The following MED13L variants were observed in gnomAD, a reference collection of about 807,000 sequenced individuals.
MED13L encodes mediator of RNA polymerase II transcription subunit 13-like.
A neutral mutation model predicts 220.9 loss-of-function variants in MED13L; 7 were observed. The observed-to-expected ratio is 0.03, with a 90% confidence interval of 0.02 to 0.06. The LOEUF is 0.06. Among genes scored for constraint, MED13L ranks in the 10% least tolerant of loss-of-function variants. The pLI, the probability that MED13L is intolerant of heterozygous loss-of-function variation, is 1.00. For synonymous variants in MED13L, 1,011 were observed against 1,015.2 expected (o/e 1.00, Z 0.08); for missense variants, 1,965 against 2,760.5 (o/e 0.71, Z 6.46).
At chr12:116,057,313 A>G (rs1869059237) in intron 4 of MED13L, among the ~76,000 whole-genome samples, 1 of 152,306 alleles carries the variant, frequency 6.6e-6, no homozygotes, top group South Asian at 2.1e-4. Flanking sequence ...TACAAAAAGG[A>G]TAACAAAAAG....
At position 115,963,532 on chromosome 12, in the gene MED13L, CAA is replaced by C; in HGVS notation, c.6388-15_6388-14del. On this transcript the variant is annotated splice_polypyrimidine_tract_variant and intron_variant, in intron 29 of 30. Transcript: ENST00000281928. ...GATGCAGCGAAGCCTGGTGAAAAAACAAAGAGAGTTACCTCTCTGGTCTAGAC... is the reference window on the plus strand; with the variant it reads ...GATGCAGCGAAGCCTGGTGAAAAAACAGAGAGTTACCTCTCTGGTCTAGAC... The C allele has an allele frequency of 3.8e-6, 6 of 1,588,356 alleles. No individual in the cohort carries two copies. Among genetic ancestry groups the C allele is most frequent in the Non-Finnish European group, 5.2e-6 (6 of 1,157,462 alleles).
intron 2 of MED13L, among the ~76,000 whole-genome samples, chr12:116,173,383 G>A (rs1448049397): frequency 6.6e-6 from 1 of 152,054 alleles, no homozygotes; most frequent in Non-Finnish European, 1.5e-5. Context: ...ACAAACTCAA[G>A]AAACTATGTT....
At chr12:116,201,352 A>G (rs773513680) in intron 2 of MED13L, among the ~76,000 whole-genome samples, 6 of 152,198 alleles carry the variant, frequency 3.9e-5, no homozygotes, top group Non-Finnish European at 7.3e-5. Flanking sequence ...GTAATAATAA[A>G]TGAAGAAACC....
intron 1 of MED13L, 57 bp from the exon 2 acceptor site, chr12:116,237,762 AAC>A: frequency 7.0e-7 from 1 of 1,436,070 alleles, no homozygotes; most frequent in Non-Finnish European, 9.8e-7. Flanking sequence ...GACCACTAAA[AAC>A]AGTCTTCCAT....
At chr12:116,046,540 A>G (rs576394181) in intron 4 of MED13L, among the ~76,000 whole-genome samples, 1 of 152,374 alleles carries the variant, frequency 6.6e-6, no homozygotes, top group East Asian at 1.9e-4. Flanking sequence ...GCAGTAAAAC[A>G]TAAAAATATA....
At chr12:116,096,370 A>AAAAAAAAAAAAAAAAAAAAAAAAAAAAAC (rs1872642155) in intron 4 of MED13L, among the ~76,000 whole-genome samples, 1 of 146,590 alleles carries the variant, frequency 6.8e-6, no homozygotes, top group Non-Finnish European at 1.5e-5. Context: ...AAAAAAAAAA[A>AAAAAAAAAAAAAAAAAAAAAAAAAAAAAC]AAAAAAAAAA....
At chr12:115,966,354 C>T in intron 28 of MED13L, 111 bp from the exon 29 acceptor site, 2 of 1,250,862 alleles carry the variant, frequency 1.6e-6, no homozygotes, top group Non-Finnish European at 2.3e-6. Context: ...TTTGTGGCAG[C>T]ATCTCACAGA....
intron 1 of MED13L, among the ~76,000 whole-genome samples, chr12:116,270,911 G>A (rs1420776122): frequency 2.6e-5 from 4 of 151,320 alleles, no homozygotes; most frequent in Non-Finnish European, 5.9e-5. Context: ...GCATAGTGGC[G>A]CGCGCCTGTA....
chr12:116,132,388 T>G (rs999091126), intron 2 of MED13L, among the ~76,000 whole-genome samples: 3 of 152,094 alleles, frequency 2.0e-5, no homozygotes, highest in African/African-American at 7.2e-5. Flanking sequence ...GGCAGAGGAT[T>G]AGTTTGTCAT....
At chr12:116,204,315 A>C (rs1882183254) in intron 2 of MED13L, among the ~76,000 whole-genome samples, 1 of 152,208 alleles carries the variant, frequency 6.6e-6, no homozygotes, top group Non-Finnish European at 1.5e-5. Context: ...GCTGCTCAGG[A>C]GTCAGGAGCT....
At chr12:116,276,992 C>A in intron 1 of MED13L, 68 bp downstream of exon 1, 3 of 1,493,746 alleles carry the variant, frequency 2.0e-6, no homozygotes, top group East Asian at 2.5e-5. Flanking sequence ...GAAAGTTGGT[C>A]GGCGGCGGAG....
intron 2 of MED13L, among the ~76,000 whole-genome samples, chr12:116,194,760 T>C (rs1281238456): frequency 6.6e-6 from 1 of 152,218 alleles, no homozygotes; most frequent in Non-Finnish European, 1.5e-5. Context: ...TTTTTTAATT[T>C]ACTGGAACTT....
intron 4 of MED13L, among the ~76,000 whole-genome samples, chr12:116,064,263 A>G (rs556057940): frequency 6.6e-6 from 1 of 152,280 alleles, no homozygotes; most frequent in South Asian, 2.1e-4. Flanking sequence ...AATTACTTAC[A>G]ATACTGAATA....
chr12:116,052,683 G>C (rs568786417), intron 4 of MED13L, among the ~76,000 whole-genome samples: 16 of 152,236 alleles, frequency 1.1e-4, no homozygotes, highest in African/African-American at 3.9e-4. Context: ...TGACAAATTA[G>C]CCATCCCAAT....
chr12:116,119,612 T>C (rs953443180), intron 2 of MED13L, among the ~76,000 whole-genome samples: 2 of 151,460 alleles, frequency 1.3e-5, no homozygotes, highest in Non-Finnish European at 2.9e-5. Context: ...GAAGATCAAG[T>C]GGTAGGATTG....
intron 29 of MED13L, 33 bp from the exon 30 acceptor site, chr12:115,963,552 G>T: frequency 6.8e-7 from 1 of 1,475,060 alleles, no homozygotes; most frequent in Non-Finnish European, 9.5e-7. Flanking sequence ...TACCTCTCTG[G>T]TCTAGACAAT....
intron 2 of MED13L, among the ~76,000 whole-genome samples, chr12:116,180,144 C>G (rs1195705380): frequency 6.6e-6 from 1 of 152,226 alleles, no homozygotes; most frequent in Non-Finnish European, 1.5e-5. Flanking sequence ...CTTGGTACTG[C>G]TGGCATCCAA....
At chr12:116,111,011 G>A (rs1874031894) in intron 3 of MED13L, among the ~76,000 whole-genome samples, 1 of 152,166 alleles carries the variant, frequency 6.6e-6, no homozygotes, top group South Asian at 2.1e-4. Flanking sequence ...GACAACCAAT[G>A]ACATCTGAAT....
At chr12:116,156,578 C>A (rs1031961868) in intron 2 of MED13L, among the ~76,000 whole-genome samples, 2 of 152,070 alleles carry the variant, frequency 1.3e-5, no homozygotes, top group Non-Finnish European at 2.9e-5. Context: ...AGTATCAATG[C>A]ATCAAAGGTA....
Sources: gnomAD v4.1 joint callset for allele counts (sites outside exome capture counted in the v4.1 genomes callset) on GRCh38, gnomAD v4.1.1 for gene constraint, MANE v1.5 for transcripts, NCBI Gene and HGNC (gene_info 2026-07-23, HGNC 2026-07-21) for gene names.